The following NFIL3 variants were observed in gnomAD, a reference collection of about 807,000 sequenced individuals.
The protein encoded by NFIL3 is nuclear factor interleukin-3-regulated protein.
Under a neutral mutation model 10.0 loss-of-function variants are expected in NFIL3, and 5 were observed. That is an observed-to-expected ratio of 0.50 (90% CI 0.26 to 1.06). The LOEUF is 1.06. Ranked by LOEUF, NFIL3 falls within the 50% of genes least tolerant of loss-of-function variation. The pLI, the probability that NFIL3 is intolerant of heterozygous loss-of-function variation, is 0.13. For missense variants in NFIL3, 436 were observed against 547.6 expected (o/e 0.80, Z 2.03); for synonymous variants, 202 against 206.5 (o/e 0.98, Z 0.19).
At chr9:91,443,035 C>G in the NFIL3 span, among the ~76,000 whole-genome samples, 1 of 152,176 alleles carries the variant, frequency 6.6e-6, no homozygotes, top group Admixed American at 6.5e-5. Context: ...AATGACAGAA[C>G]AGCTCTCAAG....
At chr9:91,450,378 C>T in the NFIL3 span, among the ~76,000 whole-genome samples, 24 of 152,236 alleles carry the variant, frequency 1.6e-4, no homozygotes, top group South Asian at 2.1e-4. Context: ...TTTCATGCAT[C>T]CCATAAGTTT....
At chr9:91,477,117 T>C in the NFIL3 span, among the ~76,000 whole-genome samples, 4 of 152,182 alleles carry the variant, frequency 2.6e-5, no homozygotes, top group African/African-American at 9.7e-5. Context: ...CTGGGTTCCC[T>C]GATTGTGGCC....
chr9:91,428,866 A>T, the NFIL3 span, among the ~76,000 whole-genome samples: 1 of 152,238 alleles, frequency 6.6e-6, no homozygotes, highest in African/African-American at 2.4e-5. Flanking sequence ...TAAATGGTAT[A>T]TGTGAGTAAG....
the NFIL3 span, among the ~76,000 whole-genome samples, chr9:91,477,517 A>G: frequency 1.3e-5 from 2 of 152,218 alleles, no homozygotes; most frequent in South Asian, 2.1e-4. Flanking sequence ...CATAAGCCCC[A>G]TCTTAGAATT....
chr9:91,451,046 C>T, the NFIL3 span, among the ~76,000 whole-genome samples: 1 of 152,168 alleles, frequency 6.6e-6, no homozygotes, highest in African/African-American at 2.4e-5. Flanking sequence ...CCTAGCTCTC[C>T]ATTAGCCTCA....
intron 1 of NFIL3, among the ~76,000 whole-genome samples, chr9:91,415,366 A>C (rs1833635016): frequency 6.6e-6 from 1 of 152,182 alleles, no homozygotes; most frequent in South Asian, 2.1e-4. Flanking sequence ...TTTTGGTGAC[A>C]ATTTTCAGAT....
At chr9:91,472,467 C>T in the NFIL3 span, among the ~76,000 whole-genome samples, 1 of 152,192 alleles carries the variant, frequency 6.6e-6, no homozygotes, top group Admixed American at 6.5e-5. Context: ...TCTGCTATCA[C>T]TGCTACCCTT....
chr9:91,410,902 G>T lies in NFIL3; in HGVS notation c.-168C>A. 1 of 581,530 alleles carries T rather than the reference G, an allele frequency of 1.7e-6. No individual in the cohort carries two copies. The highest frequency in any genetic ancestry group is 2.9e-6 in the Non-Finnish European group (1 of 341,038). The allele number at this position is 581,530 out of a possible 1,614,324, so 36.0% of individuals were successfully genotyped here. A position where few individuals can be genotyped will look rare whatever the true frequency, so the allele number is the denominator to read the frequency against. On this transcript the variant is annotated 5_prime_UTR_variant, in exon 2 of 2. Transcript: ENST00000297689. This position sits in a 1 kb window ranked among gnomAD's most constrained non-coding sequence, Gnocchi z 5.7. ...TATTGAATGAAGTTGGGCCTCCTTC[G>T]TTATCTGCAATACATGAATAAAAAA...
chr9:91,474,108 G>T, the NFIL3 span, among the ~76,000 whole-genome samples: 191 of 148,622 alleles, frequency 1.3e-3, no homozygotes, highest in African/African-American at 4.6e-3. Context: ...TAATCAAGTT[G>T]ACAAAGGTCC....
At chr9:91,452,414 A>T in the NFIL3 span, among the ~76,000 whole-genome samples, 2 of 150,906 alleles carry the variant, frequency 1.3e-5, no homozygotes, top group African/African-American at 2.5e-5. Flanking sequence ...GTTGTCCTAC[A>T]TTTCCAGATC....
chr9:91,470,460 A>T, the NFIL3 span, among the ~76,000 whole-genome samples: 2,953 of 117,388 alleles, frequency 0.025, 48 homozygotes, highest in South Asian at 0.044. Context: ...TTGATCTTTT[A>T]AAAAAAACCA....
chr9:91,427,421 T>C (rs1833883040), upstream of NFIL3, among the ~76,000 whole-genome samples: 1 of 152,174 alleles, frequency 6.6e-6, no homozygotes, highest in African/African-American at 2.4e-5. Context: ...CTTATGGATT[T>C]CTTTGTAGAA....
chr9:91,473,500 GGGACCC>G, the NFIL3 span, among the ~76,000 whole-genome samples: 1 of 152,238 alleles, frequency 6.6e-6, no homozygotes, highest in African/African-American at 2.4e-5. Flanking sequence ...CCGTGGGCGT[GGGACCC>G]GCCGAGCCAG....
the NFIL3 span, among the ~76,000 whole-genome samples, chr9:91,448,201 T>C: frequency 6.6e-6 from 1 of 152,218 alleles, no homozygotes; most frequent in Non-Finnish European, 1.5e-5. Context: ...CTTACTTTCT[T>C]GTTCATTTTG....
the NFIL3 span, among the ~76,000 whole-genome samples, chr9:91,461,280 A>G: frequency 1.5e-4 from 23 of 152,372 alleles, no homozygotes; most frequent in African/African-American, 5.5e-4. Flanking sequence ...GGAAAACTTA[A>G]CCTAGTTTGA....
chr9:91,480,052 CTG>C, the NFIL3 span, among the ~76,000 whole-genome samples: 1 of 152,088 alleles, frequency 6.6e-6, no homozygotes, highest in Non-Finnish European at 1.5e-5. Context: ...CACCCACTCT[CTG>C]TGTTGATCTC....
chr9:91,415,011 A>G (rs1233346371), intron 1 of NFIL3, among the ~76,000 whole-genome samples: 1 of 152,226 alleles, frequency 6.6e-6, no homozygotes, highest in African/African-American at 2.4e-5. Context: ...TGTAAAGAAG[A>G]TATTTTACTT....
At chr9:91,478,340 G>A in the NFIL3 span, among the ~76,000 whole-genome samples, 2 of 151,988 alleles carry the variant, frequency 1.3e-5, no homozygotes, top group Non-Finnish European at 2.9e-5. Flanking sequence ...TGGAGGCTTT[G>A]TTCATTCCTT....
At chr9:91,472,436 C>T in the NFIL3 span, among the ~76,000 whole-genome samples, 1 of 152,176 alleles carries the variant, frequency 6.6e-6, no homozygotes, top group Non-Finnish European at 1.5e-5. Flanking sequence ...CTTCTCTTCT[C>T]GCTTCATTTC....
Sources: gnomAD v4.1 joint callset for allele counts (sites outside exome capture counted in the v4.1 genomes callset) on GRCh38, gnomAD v4.1.1 for gene constraint, Gnocchi (gnomAD v3.1) non-coding constraint, MANE v1.5 for transcripts, NCBI Gene and HGNC (gene_info 2026-07-23, HGNC 2026-07-21) for gene names.